The following SP110 variants were observed in gnomAD, a reference collection of about 807,000 sequenced individuals.
The protein encoded by SP110 is interferon-induced protein 41, 30kD.
SP110 carries 62 observed loss-of-function variants against 92.7 expected under a neutral mutation model. The ratio of observed to expected loss-of-function variants is 0.67; its 90% CI spans 0.55 to 0.83. SP110 has a LOEUF of 0.83. SP110 is among the 40% of genes least tolerant of loss of function. SP110 has a pLI of 0.00. For synonymous variants in SP110, 273 were observed against 305.3 expected (o/e 0.89, Z 1.10); for missense variants, 793 against 863.9 (o/e 0.92, Z 1.03).
chr2:230,210,416 G>A (rs1466804486), intron 6 of SP110, among the ~76,000 whole-genome samples: 1 of 152,232 alleles, frequency 6.6e-6, no homozygotes, highest in African/African-American at 2.4e-5. Context: ...TGGTGATATT[G>A]AAATCTGATG....
At chr2:230,224,425 AAGAGGGAGGGAGAGGGAGGG>A (rs1427269814), upstream of SP110, among the ~76,000 whole-genome samples, 1 of 117,370 alleles carries the variant, frequency 8.5e-6, no homozygotes, top group Admixed American at 1.0e-4. Flanking sequence ...TCTTGTTTTA[AAGAGGGAGGGAGAGGGAGGG>A]AGAGAGAGGG....
At position 230,167,095 on chromosome 2, in the gene SP110, G is replaced by C. The variant is rs2162479; in HGVS notation, c.*2029C>G. On this transcript the variant is annotated 3_prime_UTR_variant, in exon 19 of 19. Coordinates refer to ENST00000258381, the MANE Select transcript of SP110 (RefSeq NM_080424.4). The stretch of plus-strand genomic sequence containing the variant: ...CATACCTGAGGAGCCTATTTCTTTT[G>C]TTTTCTTTCCTTTTTTTTTTTTTTT... The C allele has an allele frequency of 0.67, 97,881 of 146,872 alleles. 32,826 individuals are homozygous for C. The highest frequency in any genetic ancestry group is 0.73 in the Middle Eastern group (205 of 280). The allele number at this position is 146,872 out of a possible 1,614,324, so 9.1% of individuals were successfully genotyped here. A position where few individuals can be genotyped will look rare whatever the true frequency, so the allele number is the denominator to read the frequency against.
At chr2:230,174,577 C>T (rs1183957406) in intron 14 of SP110, among the ~76,000 whole-genome samples, 1 of 152,208 alleles carries the variant, frequency 6.6e-6, no homozygotes, top group East Asian at 1.9e-4. Flanking sequence ...AAGCTGTTCT[C>T]CTCAGCCTCA....
chr2:230,179,841 T>C (rs1223333318), intron 12 of SP110, among the ~76,000 whole-genome samples: 1 of 152,024 alleles, frequency 6.6e-6, no homozygotes, highest in African/African-American at 2.4e-5. Flanking sequence ...CAAGCTGATG[T>C]GCAGAGTTGT....
intron 14 of SP110, among the ~76,000 whole-genome samples, chr2:230,174,523 T>C (rs777693605): frequency 2.6e-5 from 4 of 152,128 alleles, no homozygotes; most frequent in Non-Finnish European, 5.9e-5. Flanking sequence ...GGACCACCCA[T>C]GATGGCCATG....
intron 9 of SP110, among the ~76,000 whole-genome samples, chr2:230,201,964 G>GT (rs2148857222): frequency 6.6e-6 from 1 of 152,242 alleles, no homozygotes; most frequent in Non-Finnish European, 1.5e-5. Flanking sequence ...AGATATCTGT[G>GT]TAAGGCCAGA....
chr2:230,192,602 G>T (rs2148798875), intron 10 of SP110, among the ~76,000 whole-genome samples: 1 of 152,246 alleles, frequency 6.6e-6, no homozygotes, highest in Non-Finnish European at 1.5e-5. Flanking sequence ...TCTTCAAGGA[G>T]AACTACAAAC....
chr2:230,178,611 T>C (rs1320523389), intron 12 of SP110, among the ~76,000 whole-genome samples: 1 of 152,200 alleles, frequency 6.6e-6, no homozygotes, highest in Non-Finnish European at 1.5e-5. Flanking sequence ...TTTGCATTCA[T>C]GTTGCCAGAG....
Position 230,212,880 on chromosome 2 carries a change from CTT to C in SP110, c.462_463del (p.Arg155SerfsTer3), listed in dbSNP as rs2044650290. 6.2e-7 allele frequency: 1 copy of C among 1,613,952 alleles called. No individual in the cohort carries two copies. The highest frequency in any genetic ancestry group is 1.3e-5 in the African/African-American group (1 of 74,880). Reference sequence around the variant, plus strand: ...GGAGGATGTTCCAGGCTCACTGACTCTTGGCGCACAGGGTGAACAGCTTGGTT... The same window carrying C: ...GGAGGATGTTCCAGGCTCACTGACTCGGCGCACAGGGTGAACAGCTTGGTT... On this transcript the variant is annotated frameshift_variant, in exon 4 of 19. Transcript: ENST00000258381. LOFTEE classifies it high-confidence loss of function.
In SP110 at chr2:230,178,163, T is replaced by G; in HGVS notation, c.1441A>C (p.Lys481Gln). 1 of 1,602,710 alleles carries G rather than the reference T, an allele frequency of 6.2e-7. No homozygotes were observed. The highest frequency in any genetic ancestry group is 1.3e-5 in the African/African-American group (1 of 74,844). Residue 481 changes from lysine (K) to glutamine (Q), a missense_variant, in exon 13 of 19, where the codon AAA becomes CAA. Physicochemically the swap from Lys to Gln is moderately conservative, Grantham distance 53 (BLOSUM62 1). Coordinates refer to ENST00000258381, the MANE Select transcript of SP110 (RefSeq NM_080424.4). ...AKGILYKKKM[K>Q]HGSSVKCIRN... is the part of the protein sequence containing the mutation. ...AGAAGACCAAGGAACTCACCGTGTT[T>G]CATTTTCTTCTTATATAAAATCCCT...
At chr2:230,192,050 T>C (rs1434827323) in intron 10 of SP110, among the ~76,000 whole-genome samples, 1 of 152,242 alleles carries the variant, frequency 6.6e-6, no homozygotes, top group Non-Finnish European at 1.5e-5. Flanking sequence ...ATTATCTTGA[T>C]AGATGCAGAA....
upstream of SP110, among the ~76,000 whole-genome samples, chr2:230,220,322 A>G (rs978260636): frequency 3.9e-5 from 6 of 152,224 alleles, no homozygotes; most frequent in African/African-American, 9.6e-5. Context: ...AGGTTGATGA[A>G]AATGTTCTCA....
At position 230,219,912 on chromosome 2, in the gene SP110, G is replaced by T. The variant is rs199745069; in HGVS notation, c.-40C>A. On this transcript the variant is annotated 5_prime_UTR_variant, in exon 1 of 19. Coordinates refer to ENST00000258381, the MANE Select transcript of SP110 (RefSeq NM_080424.4). ...TTGTCGTTCCTGCCCCTTTCCAGGG[G>T]CTGGGACAGGGATCACTCCTCAAGA... 1 of 985,338 alleles carries T rather than the reference G, an allele frequency of 1.0e-6. No homozygotes were observed. Among genetic ancestry groups the T allele is most frequent in the South Asian group, 4.7e-5 (1 of 21,284 alleles). The allele number at this position is 985,338 out of a possible 1,614,324, so 61.0% of individuals were successfully genotyped here. A position where few individuals can be genotyped will look rare whatever the true frequency, so the allele number is the denominator to read the frequency against.
At chr2:230,219,997 G>A (rs1195685035), upstream of SP110, 1 of 985,594 alleles carries the variant, frequency 1.0e-6, no homozygotes. Flanking sequence ...TTTGACAAAC[G>A]CAGTAAGGGG....
At chr2:230,180,697 G>C (rs758007214) in intron 12 of SP110, among the ~76,000 whole-genome samples, 2 of 152,062 alleles carry the variant, frequency 1.3e-5, no homozygotes, top group African/African-American at 4.8e-5. Flanking sequence ...GAAATGCCAC[G>C]AGACTGCACA....
intron 10 of SP110, among the ~76,000 whole-genome samples, chr2:230,192,066 C>CAA (rs2042658002): frequency 6.6e-6 from 1 of 152,102 alleles, no homozygotes; most frequent in African/African-American, 2.4e-5. Context: ...CAGAAAAGGC[C>CAA]TTTGATAAAA....
At chr2:230,181,357 A>G (rs1428885939) in intron 12 of SP110, among the ~76,000 whole-genome samples, 1 of 152,248 alleles carries the variant, frequency 6.6e-6, no homozygotes, top group Non-Finnish European at 1.5e-5. Flanking sequence ...ACAGCAACAC[A>G]CAAGACCCAT....
In SP110 at chr2:230,186,911, G is replaced by A. The variant is rs139636640; in HGVS notation, c.1130-768C>T. ...TCTTTACACATTCATTGGTCAATGG[G>A]CACTGAGGTTGGTTCCCTATCTTTA... is the stretch of plus-strand genomic sequence containing the variant. On this transcript the variant is annotated intron_variant, in intron 10 of 18. Coordinates refer to ENST00000258381, the MANE Select transcript of SP110 (RefSeq NM_080424.4). Among the ~76,000 whole-genome samples, 5 of 152,258 alleles carry A rather than the reference G, an allele frequency of 3.3e-5. No homozygotes were observed. The East Asian group carries it at 9.6e-4, about 29-fold the overall frequency.
rs200020664 is a variant in SP110 at position 230,169,139 on chromosome 2, G to C, written c.2127C>G (p.Phe709Leu). 3.7e-6 allele frequency: 6 copies of C among 1,612,090 alleles called. No individual in the cohort carries two copies. The highest frequency in any genetic ancestry group is 5.1e-6 in the Non-Finnish European group (6 of 1,178,228). Residue 709 changes from phenylalanine to leucine, a missense_variant, in exon 19 of 19, where the codon TTC becomes TTG. By Grantham distance (22) the Phe-to-Leu change is conservative. Coordinates refer to ENST00000258381, the MANE Select transcript of SP110 (RefSeq NM_080424.4). ...CAGAACAGGGTCAAGGAAGAGTCCA[G>C]AAACCGCCGTCATTGGCTTCATGAA... is the stretch of plus-strand genomic sequence containing the variant. Reference protein sequence around the residue: ...LGFHEANDGGFWTLP With the variant: ...LGFHEANDGGLWTLP
Sources: allele counts gnomAD v4.1 joint callset (sites outside exome capture counted in the v4.1 genomes callset), GRCh38; gene constraint gnomAD v4.1.1; transcripts MANE v1.5; gene names NCBI Gene and HGNC (gene_info 2026-07-23, HGNC 2026-07-21).